The following H3C4 variants were observed in gnomAD, a reference collection of about 807,000 sequenced individuals.
H3C4 encodes the protein histone H3.1.
Under a neutral mutation model 8.7 loss-of-function variants are expected in H3C4, and 10 were observed. The observed-to-expected ratio is 1.15, with a 90% CI of 0.71 to 1.96. The LOEUF is 1.96. H3C4 is among the 30% of genes most tolerant of loss of function. The pLI is 0.00. For missense variants in H3C4, 216 were observed against 192.9 expected (o/e 1.12, Z -0.71); for synonymous variants, 141 against 80.1 (o/e 1.76, Z -4.06).
At chr6:26,198,981 A>G (rs780134355), upstream of H3C4, 2 of 1,614,162 alleles carry the variant, frequency 1.2e-6, no homozygotes, top group East Asian at 4.5e-5. Flanking sequence ...GTCGTTGCGG[A>G]TGGCCAGCTG....
At position 26,197,179 on chromosome 6, in the gene H3C4, C is replaced by T. The variant is rs201394398; in HGVS notation, c.72G>A (p.Lys24=). Reference sequence around the variant, plus strand: ...TGGCTGGAGCGCTCTTTCGAGCAGCCTTGGTGGCCAGCTGCTTGCGTGGCG... The same window carrying T: ...TGGCTGGAGCGCTCTTTCGAGCAGCTTTGGTGGCCAGCTGCTTGCGTGGCG... ...GKAPRKQLAT[K]AARKSAPATG... is the part of the protein sequence containing the mutation. Residue 24 remains lysine (K), a synonymous_variant, in exon 1 of 1, where the codon AAG becomes AAA. Transcript: ENST00000356476. 50 of 1,614,126 alleles carry T rather than the reference C, an allele frequency of 3.1e-5. No homozygotes were observed. Among genetic ancestry groups the T allele is most frequent in the Middle Eastern group, 3.3e-4 (2 of 6,062 alleles).
At position 26,197,270 on chromosome 6, in the gene H3C4, C is replaced by T. The variant is rs1294798042; in HGVS notation, c.-20G>A. 6.3e-7 allele frequency: 1 copy of T among 1,590,482 alleles called. No homozygotes were observed. The highest frequency in any genetic ancestry group is 8.5e-7 in the Non-Finnish European group (1 of 1,173,214). ...AGCCATTGCGAACTTCTAAACCCTGCTAAATGACGAAAAAACGAAAGTCTA... is the reference window on the plus strand; with the variant it reads ...AGCCATTGCGAACTTCTAAACCCTGTTAAATGACGAAAAAACGAAAGTCTA... On this transcript the variant is annotated 5_prime_UTR_variant, in exon 1 of 1. Transcript: ENST00000356476.
At chr6:26,199,265 T>C (rs1344121430), upstream of H3C4, 3 of 1,586,702 alleles carry the variant, frequency 1.9e-6, no homozygotes, top group Non-Finnish European at 1.7e-6. Context: ...AAAAACGATG[T>C]TAAGCAATGA....
Position 26,196,864 on chromosome 6 carries a change from G to A in H3C4, c.387C>T (p.Arg129=). ...TIMPKDIQLA[R]RIRGERA ...TTTACGCCCTCTCCCCACGAATGCG[G>A]CGAGCAAGCTGGATGTCCTTGGGCA... Residue 129 remains arginine (R), a synonymous_variant, in exon 1 of 1, where the codon CGC becomes CGT. Transcript: ENST00000356476. 6.2e-7 allele frequency: 1 copy of A among 1,614,218 alleles called. No individual in the cohort carries two copies. Among genetic ancestry groups the A allele is most frequent in the Non-Finnish European group, 8.5e-7 (1 of 1,180,038 alleles).
upstream of H3C4, among the ~76,000 whole-genome samples, chr6:26,197,752 C>T (rs1485957961): frequency 1.3e-5 from 2 of 152,092 alleles, no homozygotes; most frequent in Admixed American, 6.6e-5. Context: ...TGACTATTAA[C>T]TCATAAGTAA....
rs1764976417 is a variant in H3C4 at position 26,196,787 on chromosome 6, T to TTGGC, written c.*49_*52dup. ...ACAGCAACTTTTATAGAAAAGGTGG[T>TTGGC]TGGCTCTGAAAAGAGCCTTTGGGTT... On this transcript the variant is annotated 3_prime_UTR_variant, in exon 1 of 1. Transcript: ENST00000356476. 1 of 1,585,680 alleles carries TTGGC rather than the reference T, an allele frequency of 6.3e-7. No individual in the cohort carries two copies. The highest frequency in any genetic ancestry group is 8.6e-7 in the Non-Finnish European group (1 of 1,160,024).
rs1764993699 is a variant in H3C4 at position 26,197,223 on chromosome 6, T to A, written c.28A>T (p.Lys10Ter). The change falls in exon 1 of 1, where the codon AAG becomes TAG. Residue 10 changes from lysine to a stop codon, truncating the protein, a stop_gained. Coordinates refer to ENST00000356476, the MANE Select transcript of H3C4 (RefSeq NM_001376937.1). LOFTEE classifies it high-confidence loss of function. ...CGTGGCGCTTTCCCACCCGTGGACT[T>A]GCGAGCAGTCTGCTTGGTACGAGCC... MARTKQTARKSTGGKAPRKQ... is the reference protein window; with the variant it reads MARTKQTAR The A allele has an allele frequency of 6.2e-7, 1 of 1,613,680 alleles. No individual in the cohort carries two copies. Among genetic ancestry groups the A allele is most frequent in the Non-Finnish European group, 8.5e-7 (1 of 1,179,920 alleles).
In H3C4 at chr6:26,196,794, T is replaced by C; in HGVS notation, c.*46A>G. ...CTTTTATAGAAAAGGTGGTTGGCTCTGAAAAGAGCCTTTGGGTTTTGGTTA... is the reference window on the plus strand; with the variant it reads ...CTTTTATAGAAAAGGTGGTTGGCTCCGAAAAGAGCCTTTGGGTTTTGGTTA... On this transcript the variant is annotated 3_prime_UTR_variant, in exon 1 of 1. Transcript: ENST00000356476. The C allele has an allele frequency of 6.2e-7, 1 of 1,606,524 alleles. No homozygotes were observed. Among genetic ancestry groups the C allele is most frequent in the Non-Finnish European group, 8.5e-7 (1 of 1,176,330 alleles).
At chr6:26,199,177 C>T (rs1765065996), upstream of H3C4, 2 of 1,614,070 alleles carry the variant, frequency 1.2e-6, no homozygotes, top group Non-Finnish European at 1.7e-6. Flanking sequence ...AACTGGAGTC[C>T]GGCCCGCGAA....
At chr6:26,199,273 T>A (rs200354786), upstream of H3C4, 1 of 1,580,342 alleles carries the variant, frequency 6.3e-7, no homozygotes, top group Non-Finnish European at 8.5e-7. Context: ...TGTTAAGCAA[T>A]GAAGACAAAA....
At chr6:26,199,021 T>G (rs984616738), upstream of H3C4, 4 of 1,614,098 alleles carry the variant, frequency 2.5e-6, no homozygotes, top group African/African-American at 1.3e-5. Flanking sequence ...CGGGTCTTCT[T>G]GTTGTCGCGG....
At chr6:26,198,327 G>T (rs1255966281), upstream of H3C4, among the ~76,000 whole-genome samples, 5 of 152,202 alleles carry the variant, frequency 3.3e-5, no homozygotes, top group East Asian at 9.6e-4. Context: ...TAATTAGTTT[G>T]CTTTTTTGGG....
Position 26,196,943 on chromosome 6 carries a change from C to T in H3C4, c.308G>A (p.Gly103Glu), listed in dbSNP as rs577869237. The T allele has an allele frequency of 1.2e-6, 2 of 1,614,232 alleles. No individual in the cohort carries two copies. Among genetic ancestry groups the T allele is most frequent in the East Asian group, 2.2e-5 (1 of 44,878 alleles). Residue 103 changes from glycine to glutamate, a missense_variant, in exon 1 of 1, where the codon GGG becomes GAG. Coordinates refer to ENST00000356476, the MANE Select transcript of H3C4 (RefSeq NM_001376937.1). Reference protein sequence around the residue: ...LQEACEAYLVGLFEDTNLCAI... With the variant: ...LQEACEAYLVELFEDTNLCAI... ...GCATAGGTTGGTGTCCTCAAACAGC[C>T]CCACCAGGTAGGCCTCGCAGGCCTC...
upstream of H3C4, among the ~76,000 whole-genome samples, chr6:26,198,011 G>A (rs1240261198): frequency 1.3e-5 from 2 of 150,150 alleles, no homozygotes; most frequent in Non-Finnish European, 3.0e-5. Flanking sequence ...ATGTAGGTTT[G>A]TATTCCTATT....
upstream of H3C4, among the ~76,000 whole-genome samples, chr6:26,198,320 T>A (rs1581449784): frequency 6.6e-6 from 1 of 152,320 alleles, no homozygotes; most frequent in Admixed American, 6.5e-5. Flanking sequence ...TGCATTTTAA[T>A]TAGTTTGCTT....
chr6:26,199,148 G>C (rs745708378), upstream of H3C4: 6 of 1,614,208 alleles, frequency 3.7e-6, no homozygotes, highest in Non-Finnish European at 5.1e-6. Context: ...GGAGCAAGCG[G>C]TGTACGCGGC....
chr6:26,197,142 T>G lies in H3C4; in HGVS notation c.109A>C (p.Lys37Gln). 1 of 1,614,164 alleles carries G rather than the reference T, an allele frequency of 6.2e-7. No individual in the cohort carries two copies. Among genetic ancestry groups the G allele is most frequent in the Non-Finnish European group, 8.5e-7 (1 of 1,180,030 alleles). Reference protein sequence around the residue: ...RKSAPATGGVKKPHRYRPGTV... With the variant: ...RKSAPATGGVQKPHRYRPGTV... ...CCGGGCCGGTAACGGTGGGGCTTCT[T>G]CACGCCGCCGGTGGCTGGAGCGCTC... The change falls in exon 1 of 1, where the codon AAG (lysine) becomes CAG (glutamine). Residue 37 changes from lysine to glutamine, a missense_variant. Transcript: ENST00000356476.
chr6:26,198,337 G>A (rs530285031), upstream of H3C4, among the ~76,000 whole-genome samples: 4 of 152,142 alleles, frequency 2.6e-5, no homozygotes, highest in African/African-American at 9.6e-5. Flanking sequence ...GCTTTTTTGG[G>A]TTTTTGTTTG....
upstream of H3C4, chr6:26,199,108 C>T (rs778465834): frequency 6.2e-7 from 1 of 1,614,192 alleles, no homozygotes; most frequent in Non-Finnish European, 8.5e-7. Context: ...GGCGCGCCGG[C>T]CCCGACTCGC....
Sources: gnomAD v4.1 joint callset for allele counts (sites outside exome capture counted in the v4.1 genomes callset) on GRCh38, gnomAD v4.1.1 for gene constraint, MANE v1.5 for transcripts, NCBI Gene and HGNC (gene_info 2026-07-23, HGNC 2026-07-21) for gene names.